The following EDEM3 variants were observed in gnomAD, a reference collection of about 807,000 sequenced individuals.
EDEM3 encodes ER degradation-enhancing alpha-mannosidase-like protein 3.
A neutral mutation model predicts 110.2 loss-of-function variants in EDEM3; 60 were observed. That is an observed-to-expected ratio of 0.54 (90% confidence interval 0.44 to 0.67). The LOEUF (loss-of-function observed/expected upper bound fraction) is 0.67. Among genes scored for constraint, EDEM3 ranks in the 30% least tolerant of loss-of-function variants. The pLI, the probability that EDEM3 is intolerant of heterozygous loss-of-function variation, is 0.00. For missense variants in EDEM3, 996 were observed against 1,121.0 expected (o/e 0.89, Z 1.59); for synonymous variants, 352 against 382.9 (o/e 0.92, Z 0.94).
chr1:184,719,649 T>C, intron 9 of EDEM3, 81 bp from the exon 10 acceptor site: 1 of 1,330,766 alleles, frequency 7.5e-7, no homozygotes, highest in Non-Finnish European at 1.0e-6. Context: ...GCACTGTGAA[T>C]AAATTAAACT....
At chr1:184,745,369 A>G (rs1200254483) in intron 2 of EDEM3, among the ~76,000 whole-genome samples, 1 of 152,130 alleles carries the variant, frequency 6.6e-6, no homozygotes, top group African/African-American at 2.4e-5. Context: ...TCCCATTAGT[A>G]CCATGCCTAA....
Position 184,721,386 on chromosome 1 carries a change from T to C in EDEM3, c.854A>G (p.Asp285Gly), listed in dbSNP as rs942092624. The C allele has an allele frequency of 1.9e-6, 3 of 1,576,554 alleles. No homozygotes were observed. Among genetic ancestry groups the C allele is most frequent in the Non-Finnish European group, 2.6e-6 (3 of 1,168,796 alleles). Residue 285 changes from aspartate (D) to glycine (G), a missense_variant and splice_region_variant, in exon 9 of 20, where the codon GAT becomes GGT. Physicochemically the swap from Asp to Gly is moderately conservative, Grantham distance 94 (BLOSUM62 -1). Transcript: ENST00000318130. ...NIHTGDWVRKDSGVGAGIDSY... is the reference protein window; with the variant it reads ...NIHTGDWVRKGSGVGAGIDSY... ...ATCAATCCCTGCTCCAACTCCACTA[T>C]CTATGGAAACACAAATGTGATTTTT...
chr1:184,749,548 A>AT lies in EDEM3; in HGVS notation c.202dup (p.Met68AsnfsTer8). 1 of 1,577,414 alleles carries AT rather than the reference A, an allele frequency of 6.3e-7. No homozygotes were observed. The highest frequency in any genetic ancestry group is 8.6e-7 in the Non-Finnish European group (1 of 1,160,308). ...GGTAAAGATAAGCTTCCTACTTACC[A>AT]TATAGTTACCATAAGCATGATCAAA... is the stretch of plus-strand genomic sequence containing the variant. On this transcript the variant is annotated frameshift_variant and splice_region_variant, in exon 2 of 20. Coordinates refer to ENST00000318130, the MANE Select transcript of EDEM3 (RefSeq NM_025191.4). LOFTEE classifies it high-confidence loss of function.
intron 18 of EDEM3, among the ~76,000 whole-genome samples, chr1:184,706,094 T>A (rs1185956167): frequency 6.6e-6 from 1 of 152,170 alleles, no homozygotes; most frequent in Non-Finnish European, 1.5e-5. Context: ...CTAAAATATA[T>A]TTATTATCAC....
At chr1:184,697,487 CTTT>C in intron 19 of EDEM3, among the ~76,000 whole-genome samples, 1 of 151,798 alleles carries the variant, frequency 6.6e-6, no homozygotes, top group South Asian at 2.1e-4. Flanking sequence ...AAACAGCAAA[CTTT>C]TATTATTGGC....
At chr1:184,716,520 C>T (rs956946810) in intron 13 of EDEM3, among the ~76,000 whole-genome samples, 3 of 152,066 alleles carry the variant, frequency 2.0e-5, no homozygotes, top group Admixed American at 1.3e-4. Flanking sequence ...AAATCACATT[C>T]CAGATCATTC....
At chr1:184,723,606 T>G in intron 8 of EDEM3, 145 bp downstream of exon 8, 2 of 678,450 alleles carry the variant, frequency 2.9e-6, no homozygotes, top group Non-Finnish European at 4.8e-6. Flanking sequence ...AAAGAAAATC[T>G]GGCTAAATTA....
chr1:184,701,588 AT>A, intron 19 of EDEM3: 1 of 1,224,980 alleles, frequency 8.2e-7, no homozygotes, highest in Non-Finnish European at 1.1e-6. Flanking sequence ...AAAAAAGCAA[AT>A]GCATTAAAGA....
chr1:184,754,176 G>A (rs1652949379), intron 1 of EDEM3, among the ~76,000 whole-genome samples: 2 of 152,272 alleles, frequency 1.3e-5, no homozygotes, highest in Middle Eastern at 3.4e-3. Context: ...ACTCCAGCGC[G>A]CAGCGATGCG....
intron 1 of EDEM3, among the ~76,000 whole-genome samples, chr1:184,753,181 C>G (rs1652865522): frequency 6.6e-6 from 1 of 152,010 alleles, no homozygotes; most frequent in Admixed American, 6.5e-5. Flanking sequence ...ATCTTCGTTC[C>G]ACTTTTTTTC....
At chr1:184,713,559 C>A (rs1299711978) in intron 13 of EDEM3, among the ~76,000 whole-genome samples, 1 of 152,086 alleles carries the variant, frequency 6.6e-6, no homozygotes, top group Non-Finnish European at 1.5e-5. Flanking sequence ...TAATAAACAA[C>A]TTCTAGTTTA....
chr1:184,715,708 T>A lies in EDEM3; in HGVS notation c.1370+1180A>T, dbSNP rs182603009. Among the ~76,000 whole-genome samples, 397 of 152,284 alleles carry A rather than the reference T, an allele frequency of 2.6e-3. 1 individual carries two copies. The highest frequency in any genetic ancestry group is 9.0e-3 in the African/African-American group (373 of 41,564). On this transcript the variant is annotated intron_variant, in intron 13 of 19. Transcript: ENST00000318130. Reference sequence around the variant, plus strand: ...ACACTTCAGAAAGCTGTTGTAAGGATCAAATTAGTTAAACACATAAAATGC... The same window carrying A: ...ACACTTCAGAAAGCTGTTGTAAGGAACAAATTAGTTAAACACATAAAATGC...
intron 2 of EDEM3, among the ~76,000 whole-genome samples, chr1:184,746,278 C>T (rs1652426243): frequency 6.6e-6 from 1 of 152,176 alleles, no homozygotes; most frequent in Non-Finnish European, 1.5e-5. Flanking sequence ...ATAGAACCTT[C>T]TATTACATTA....
chr1:184,748,163 C>A (rs1181332932), intron 2 of EDEM3, among the ~76,000 whole-genome samples: 1 of 151,874 alleles, frequency 6.6e-6, no homozygotes, highest in Non-Finnish European at 1.5e-5. Flanking sequence ...AATTAAAAAA[C>A]AGAACGGGTG....
chr1:184,726,440 C>A, intron 6 of EDEM3, 51 bp from the exon 7 acceptor site: 2 of 1,554,288 alleles, frequency 1.3e-6, no homozygotes, highest in Non-Finnish European at 8.7e-7. Flanking sequence ...CAATGACCTT[C>A]TGATAAGAAA....
At chr1:184,707,395 T>C (rs1042543922) in intron 17 of EDEM3, among the ~76,000 whole-genome samples, 1 of 152,182 alleles carries the variant, frequency 6.6e-6, no homozygotes. Flanking sequence ...AAAATGTAAA[T>C]TCCATAAGGG....
At chr1:184,738,821 C>G (rs1437922912) in intron 2 of EDEM3, among the ~76,000 whole-genome samples, 2 of 152,144 alleles carry the variant, frequency 1.3e-5, no homozygotes, top group Non-Finnish European at 2.9e-5. Flanking sequence ...ACAAGAGACT[C>G]TCATACATTA....
intron 9 of EDEM3, among the ~76,000 whole-genome samples, chr1:184,719,905 T>C (rs1650787582): frequency 6.6e-6 from 1 of 152,230 alleles, no homozygotes; most frequent in South Asian, 2.1e-4. Context: ...GGTCCCCTTG[T>C]AATATAGCTA....
chr1:184,742,619 C>T (rs531405719), intron 2 of EDEM3, among the ~76,000 whole-genome samples: 1 of 152,284 alleles, frequency 6.6e-6, no homozygotes, highest in Admixed American at 6.5e-5. Flanking sequence ...GAACTCCTGA[C>T]CTCAGGTGAT....
Sources: allele counts gnomAD v4.1 joint callset (sites outside exome capture counted in the v4.1 genomes callset), GRCh38; gene constraint gnomAD v4.1.1; transcripts MANE v1.5; gene names NCBI Gene and HGNC (gene_info 2026-07-23, HGNC 2026-07-21).